The following RAB3GAP1 variants were observed in gnomAD, a reference collection of about 807,000 sequenced individuals.
The protein encoded by RAB3GAP1 is rab3 GTPase-activating protein catalytic subunit.
Under a neutral mutation model 130.7 loss-of-function variants are expected in RAB3GAP1, and 86 were observed. That is an observed-to-expected ratio of 0.66 (90% CI 0.55 to 0.79). RAB3GAP1 has a LOEUF of 0.79. Ranked by LOEUF, RAB3GAP1 falls within the 30% of genes least tolerant of loss-of-function variation. The pLI is 0.00. For synonymous variants in RAB3GAP1, 367 were observed against 401.7 expected, an observed-to-expected ratio of 0.91 and a Z score of 1.03; for missense variants, 1,029 against 1,169.4, an observed-to-expected ratio of 0.88 and a Z score of 1.75.
chr2:135,114,004 C>A (rs911322706), intron 6 of RAB3GAP1, among the ~76,000 whole-genome samples: 2 of 152,188 alleles, frequency 1.3e-5, no homozygotes, highest in Admixed American at 6.5e-5. Context: ...CCCGCCGCGG[C>A]CTTCCAGAAT....
At chr2:135,142,367 TA>T (rs1431697472) in intron 17 of RAB3GAP1, among the ~76,000 whole-genome samples, 1 of 152,190 alleles carries the variant, frequency 6.6e-6, no homozygotes, top group East Asian at 1.9e-4. Context: ...AGTTGATTTT[TA>T]TATATTGACC....
chr2:135,078,767 A>G (rs1450538896), intron 3 of RAB3GAP1, among the ~76,000 whole-genome samples: 1 of 145,958 alleles, frequency 6.9e-6, no homozygotes, highest in Non-Finnish European at 1.5e-5. Flanking sequence ...TGCAACCTCA[A>G]CCTCCTGGAA....
At chr2:135,128,453 T>TA (rs1355641318) in intron 11 of RAB3GAP1, among the ~76,000 whole-genome samples, 1 of 152,238 alleles carries the variant, frequency 6.6e-6, no homozygotes, top group Non-Finnish European at 1.5e-5. Context: ...ACAGTGCCTT[T>TA]GTTATAGTAA....
chr2:135,126,451 T>C, intron 10 of RAB3GAP1, 132 bp from the exon 11 acceptor site: 1 of 976,642 alleles, frequency 1.0e-6, no homozygotes, highest in African/African-American at 1.6e-5. Flanking sequence ...TGTATCTGGA[T>C]AAGAGTAAGT....
At chr2:135,107,479 C>A (rs951357149) in intron 5 of RAB3GAP1, among the ~76,000 whole-genome samples, 3 of 151,214 alleles carry the variant, frequency 2.0e-5, no homozygotes, top group Non-Finnish European at 4.4e-5. Flanking sequence ...ACTAGAATAA[C>A]CTGAATAGAT....
At position 135,142,850 on chromosome 2, in the gene RAB3GAP1, C is replaced by G. The variant is rs906948459; in HGVS notation, c.1923+6918C>G. On this transcript the variant is annotated intron_variant, in intron 17 of 23. Transcript: ENST00000264158. ...CATCCTTACATTCCTGGTATATATC[C>G]CACTTGGGCTTTCCCTTTTTATACA... 2.6e-5 allele frequency among the ~76,000 whole-genome samples: 4 copies of G among 151,538 alleles called. No individual in the cohort carries two copies. The South Asian group carries it at 8.3e-4, about 31-fold the overall frequency.
intron 5 of RAB3GAP1, among the ~76,000 whole-genome samples, chr2:135,103,006 GAAAA>G (rs371708711): frequency 1.4e-5 from 1 of 70,712 alleles, no homozygotes; most frequent in Non-Finnish European, 2.5e-5. Context: ...GACTCCGTCT[GAAAA>G]AAAAAAAAAA....
rs1013031511 is a variant in RAB3GAP1, at chr2:135,060,478, T to C, written c.150+2392T>C. On this transcript the variant is annotated intron_variant, in intron 3 of 23. Transcript: ENST00000264158. ...GGTTTCACTGTGTTAGCCAGGATGG[T>C]CTCGATCTCCTGACCTTGTGATCTG... Among the ~76,000 whole-genome samples the C allele has an allele frequency of 4.0e-5, 6 of 151,896 alleles. 1 individual carries two copies. The South Asian group carries it at 1.2e-3, about 32-fold the overall frequency.
Position 135,133,910 on chromosome 2 carries a change from A to G in RAB3GAP1, c.1376A>G (p.Lys459Arg), listed in dbSNP as rs772002275. ...GCACCATCTGACAGTTTAACATACA[A>G]ACTGGCTTTGTGTCTCTGTATGATC... is the stretch of plus-strand genomic sequence containing the variant. ...KSAPSDSLTY[K>R]LALCLCMINF... The change falls in exon 15 of 24, where the codon AAA becomes AGA. Residue 459 changes from lysine to arginine, a missense_variant. This residue lies in a region of RAB3GAP1 where 373 missense variants were observed against 493.6 expected (regional missense o/e 0.76). Transcript: ENST00000264158. 1.2e-5 allele frequency: 19 copies of G among 1,613,770 alleles called. No homozygotes were observed. The Admixed American group carries it at 3.2e-4, about 27-fold the overall frequency.
chr2:135,117,723 G>A (rs371380397), intron 7 of RAB3GAP1, among the ~76,000 whole-genome samples: 1 of 26,038 alleles, frequency 3.8e-5, no homozygotes. Context: ...TTCTTCTTCT[G>A]CTTCTTCTTC....
At chr2:135,071,824 G>A (rs1574083087) in intron 3 of RAB3GAP1, among the ~76,000 whole-genome samples, 1 of 152,228 alleles carries the variant, frequency 6.6e-6, no homozygotes, top group Non-Finnish European at 1.5e-5. Flanking sequence ...TATGGCAATG[G>A]CCCTGCCAAT....
chr2:135,119,998 C>G (rs1446350917), intron 7 of RAB3GAP1, among the ~76,000 whole-genome samples: 1 of 152,116 alleles, frequency 6.6e-6, no homozygotes, highest in Non-Finnish European at 1.5e-5. Flanking sequence ...ATTCATTAAT[C>G]TATTTTGTGT....
intron 23 of RAB3GAP1, among the ~76,000 whole-genome samples, chr2:135,166,956 A>C (rs938985811): frequency 6.6e-6 from 1 of 152,156 alleles, no homozygotes; most frequent in African/African-American, 2.4e-5. Context: ...CCTTGTAGTG[A>C]ATGTTTTTAG....
intron 3 of RAB3GAP1, among the ~76,000 whole-genome samples, chr2:135,081,327 A>AAAAAATAT (rs1363481112): frequency 5.9e-4 from 38 of 64,030 alleles, no homozygotes; most frequent in East Asian, 3.2e-3. Flanking sequence ...AAAAAAAAAA[A>AAAAAATAT]ATATATATAT....
downstream of RAB3GAP1, among the ~76,000 whole-genome samples, chr2:135,174,080 A>C (rs1692937975): frequency 6.6e-6 from 1 of 152,118 alleles, no homozygotes; most frequent in Non-Finnish European, 1.5e-5. Context: ...TACTTCATCT[A>C]AGCACAACTT....
At chr2:135,113,865 G>A (rs900024214) in intron 6 of RAB3GAP1, among the ~76,000 whole-genome samples, 3 of 151,886 alleles carry the variant, frequency 2.0e-5, no homozygotes, top group African/African-American at 4.8e-5. Flanking sequence ...TCAGCCTCCC[G>A]AGTATCTGGG....
At chr2:135,055,570 C>T (rs564611649) in intron 2 of RAB3GAP1, among the ~76,000 whole-genome samples, 1 of 151,294 alleles carries the variant, frequency 6.6e-6, no homozygotes, top group East Asian at 2.0e-4. Context: ...CCCAGCTAGT[C>T]AGGAGGCTGA....
chr2:135,112,063 A>G (rs1251405537), intron 5 of RAB3GAP1, among the ~76,000 whole-genome samples: 2 of 152,250 alleles, frequency 1.3e-5, no homozygotes. Context: ...GTGTTAGAGC[A>G]TGGCCATATG....
intron 7 of RAB3GAP1, among the ~76,000 whole-genome samples, chr2:135,116,981 G>C (rs1306968591): frequency 6.6e-6 from 1 of 151,972 alleles, no homozygotes; most frequent in Non-Finnish European, 1.5e-5. Flanking sequence ...TGTTTTTAAT[G>C]TTGAGGACCT....
Sources: allele counts gnomAD v4.1 joint callset (sites outside exome capture counted in the v4.1 genomes callset), GRCh38; gene constraint gnomAD v4.1.1; regional missense constraint gnomAD v4.1.1; transcripts MANE v1.5; gene names NCBI Gene and HGNC (gene_info 2026-07-23, HGNC 2026-07-21).